The following FOXP2 variants were observed in gnomAD, a reference collection of about 807,000 sequenced individuals.
FOXP2 encodes the protein forkhead box P2.
FOXP2 carries 12 observed loss-of-function variants against 115.8 expected under a neutral mutation model. The ratio of observed to expected loss-of-function variants is 0.10; its 90% CI spans 0.07 to 0.17. FOXP2 has a LOEUF of 0.17. Among genes scored for constraint, FOXP2 ranks in the 10% least tolerant of loss-of-function variants. The pLI, the probability that FOXP2 is intolerant of heterozygous loss-of-function variation, is 1.00. For missense variants in FOXP2, 629 were observed against 843.5 expected (o/e 0.75, Z 3.15); for synonymous variants, 328 against 297.7 (o/e 1.10, Z -1.05).
intron 1 of FOXP2, among the ~76,000 whole-genome samples, chr7:114,185,237 C>T (rs995019008): frequency 6.6e-6 from 1 of 151,286 alleles, no homozygotes; most frequent in East Asian, 1.9e-4. Context: ...TTTTTTGGCT[C>T]CTTCAGATCT....
intron 1 of FOXP2, among the ~76,000 whole-genome samples, chr7:114,239,848 A>G (rs1360950797): frequency 6.6e-6 from 1 of 152,208 alleles, no homozygotes; most frequent in Non-Finnish European, 1.5e-5. Context: ...TTAAACACAC[A>G]AACATGCACA....
intron 2 of FOXP2, among the ~76,000 whole-genome samples, chr7:114,502,389 T>A (rs560257765): frequency 6.6e-6 from 1 of 152,228 alleles, no homozygotes; most frequent in Admixed American, 6.5e-5. Context: ...CTATCCCAAA[T>A]TACTTTGTTC....
chr7:114,290,875 G>T (rs1796573561), intron 2 of FOXP2, among the ~76,000 whole-genome samples: 1 of 152,034 alleles, frequency 6.6e-6, no homozygotes, highest in Non-Finnish European at 1.5e-5. Context: ...GTTGAATTGA[G>T]GATTAATTGT....
intron 2 of FOXP2, among the ~76,000 whole-genome samples, chr7:114,474,187 T>C (rs750448912): frequency 1.3e-5 from 2 of 152,244 alleles, no homozygotes; most frequent in Non-Finnish European, 2.9e-5. Context: ...AATTCCATGA[T>C]ATCAGAACAA....
chr7:114,538,439 A>T, intron 3 of FOXP2: 1 of 1,005,740 alleles, frequency 9.9e-7, no homozygotes, highest in Non-Finnish European at 1.4e-6. Context: ...CATTGTAATC[A>T]CTTCCTTCAT....
chr7:114,585,570 A>T (rs1467955497), intron 3 of FOXP2, among the ~76,000 whole-genome samples: 4 of 95,034 alleles, frequency 4.2e-5, no homozygotes, highest in African/African-American at 1.0e-4. Context: ...CGCTACTATT[A>T]AAAAAAAAAA....
intron 1 of FOXP2, among the ~76,000 whole-genome samples, chr7:114,260,220 TAAC>T (rs1201190722): frequency 2.9e-5 from 4 of 137,422 alleles, no homozygotes; most frequent in Non-Finnish European, 3.1e-5. Flanking sequence ...TAAACAACAA[TAAC>T]AACAACAACA....
intron 2 of FOXP2, among the ~76,000 whole-genome samples, chr7:114,312,253 C>G (rs1797165167): frequency 6.6e-6 from 1 of 152,154 alleles, no homozygotes; most frequent in Non-Finnish European, 1.5e-5. Context: ...GCTGGACTTG[C>G]TGTCCTATTC....
intron 2 of FOXP2, among the ~76,000 whole-genome samples, chr7:114,291,839 T>TTATA (rs1283505084): frequency 7.0e-6 from 1 of 142,420 alleles, no homozygotes; most frequent in African/African-American, 2.5e-5. Context: ...ATATAATGTT[T>TTATA]TATATATATA....
At chr7:114,306,039 T>C (rs1217247014) in intron 2 of FOXP2, among the ~76,000 whole-genome samples, 1 of 151,754 alleles carries the variant, frequency 6.6e-6, no homozygotes, top group Non-Finnish European at 1.5e-5. Flanking sequence ...AAAAATAATC[T>C]AAGCCATCAC....
intron 2 of FOXP2, among the ~76,000 whole-genome samples, chr7:114,370,876 A>T (rs982580493): frequency 9.2e-5 from 14 of 152,284 alleles, no homozygotes; most frequent in African/African-American, 3.4e-4. Flanking sequence ...AATTGGAGAT[A>T]GTTTTGATTT....
chr7:114,240,022 T>C (rs1795111285), intron 1 of FOXP2, among the ~76,000 whole-genome samples: 1 of 152,172 alleles, frequency 6.6e-6, no homozygotes, highest in Admixed American at 6.6e-5. Context: ...AAGGAAGACC[T>C]AGTATGAGGA....
At chr7:114,667,635 A>C (rs899617110) in intron 16 of FOXP2, 1 of 152,118 alleles carries the variant, frequency 6.6e-6, no homozygotes, top group African/African-American at 2.4e-5. Flanking sequence ...TTTAGAATAC[A>C]TAAGGGAATA....
intron 3 of FOXP2, among the ~76,000 whole-genome samples, chr7:114,599,460 A>G (rs1453600980): frequency 6.6e-6 from 1 of 152,098 alleles, no homozygotes; most frequent in Non-Finnish European, 1.5e-5. Context: ...GGTAAAGTCA[A>G]CTGGGCTGTA....
At chr7:114,237,764 A>C (rs1019581046) in intron 1 of FOXP2, among the ~76,000 whole-genome samples, 6 of 152,182 alleles carry the variant, frequency 3.9e-5, no homozygotes, top group African/African-American at 1.2e-4. Flanking sequence ...ACTTGAGGCC[A>C]AGAGTTTGAG....
intron 2 of FOXP2, among the ~76,000 whole-genome samples, chr7:114,527,638 A>C (rs1798940911): frequency 1.3e-5 from 2 of 152,274 alleles, no homozygotes; most frequent in South Asian, 4.1e-4. Context: ...CTACTAAAGA[A>C]ATCTTCTCTT....
intron 3 of FOXP2, among the ~76,000 whole-genome samples, chr7:114,583,136 G>A (rs542415786): frequency 4.3e-4 from 66 of 152,236 alleles, no homozygotes; most frequent in African/African-American, 1.3e-3. Flanking sequence ...CCAGCACTTT[G>A]GGAGGCCAAG....
At chr7:114,572,397 GAAAA>G (rs998611858) in intron 3 of FOXP2, among the ~76,000 whole-genome samples, 5 of 151,516 alleles carry the variant, frequency 3.3e-5, no homozygotes, top group Non-Finnish European at 7.4e-5. Context: ...ACATTTGAAA[GAAAA>G]ATAGCAAAAA....
chr7:114,251,550 T>C (rs1362484169), intron 1 of FOXP2, among the ~76,000 whole-genome samples: 2 of 152,214 alleles, frequency 1.3e-5, no homozygotes, highest in African/African-American at 4.8e-5. Flanking sequence ...TTTTATTCTC[T>C]TTGAAGCAAT....
Sources: gnomAD v4.1 joint callset for allele counts (sites outside exome capture counted in the v4.1 genomes callset) on GRCh38, gnomAD v4.1.1 for gene constraint, MANE v1.5 for transcripts, NCBI Gene and HGNC (gene_info 2026-07-23, HGNC 2026-07-21) for gene names.